The following LRRC49 variants were observed in gnomAD, a reference collection of about 807,000 sequenced individuals.
The protein encoded by LRRC49 is leucine rich repeat containing 49.
LRRC49 carries 50 observed loss-of-function variants against 83.3 expected under a neutral mutation model. The ratio of observed to expected loss-of-function variants is 0.60; its 90% CI spans 0.48 to 0.76. The LOEUF is 0.76. LRRC49 is among the 30% of genes least tolerant of loss of function. The pLI is 0.00. For missense variants in LRRC49, 704 were observed against 809.1 expected (o/e 0.87, Z 1.58); for synonymous variants, 286 against 283.3 (o/e 1.01, Z -0.10).
At chr15:70,936,511 G>A (rs2035602333) in intron 7 of LRRC49, 3 of 376,070 alleles carry the variant, frequency 8.0e-6, no homozygotes, top group East Asian at 7.7e-5. Flanking sequence ...AGAGGCTAGC[G>A]GCAGCGTCTC....
chr15:70,886,182 G>C (rs2033403136), intron 2 of LRRC49, among the ~76,000 whole-genome samples: 1 of 152,130 alleles, frequency 6.6e-6, no homozygotes, highest in African/African-American at 2.4e-5. Context: ...GCCATGTTAG[G>C]TGGGGACTTA....
At chr15:70,872,851 CT>C (rs2033078610) in intron 1 of LRRC49, 1 of 212,208 alleles carries the variant, frequency 4.7e-6, no homozygotes, top group South Asian at 8.0e-5. Context: ...AGAAATGGCT[CT>C]GGCTCAAAAT....
intron 9 of LRRC49, among the ~76,000 whole-genome samples, chr15:70,968,267 C>T (rs767059467): frequency 4.6e-5 from 7 of 151,978 alleles, no homozygotes; most frequent in African/African-American, 1.4e-4. Flanking sequence ...ATAGTTTGCT[C>T]AGAATGATGG....
chr15:71,036,052 G>A (rs931767031), intron 14 of LRRC49, among the ~76,000 whole-genome samples: 1 of 152,124 alleles, frequency 6.6e-6, no homozygotes, highest in Non-Finnish European at 1.5e-5. Flanking sequence ...GTGTGAGATG[G>A]TATCTCATTG....
At chr15:70,861,698 C>T (rs571907571) in intron 1 of LRRC49, among the ~76,000 whole-genome samples, 7 of 152,310 alleles carry the variant, frequency 4.6e-5, no homozygotes, top group African/African-American at 1.7e-4. Context: ...TCAAGCTTTA[C>T]CTGCCATTTA....
intron 11 of LRRC49, among the ~76,000 whole-genome samples, chr15:71,007,682 C>T (rs552348751): frequency 2.1e-5 from 3 of 142,310 alleles, no homozygotes; most frequent in East Asian, 2.0e-4. Context: ...ATAATAATTA[C>T]CAAATTCAGT....
rs764309897 is a variant in LRRC49, at chr15:71,012,862, C to T, written c.1652C>T (p.Ala551Val). 6.2e-7 allele frequency: 1 copy of T among 1,613,274 alleles called. No individual in the cohort carries two copies. The highest frequency in any genetic ancestry group is 1.7e-5 in the Admixed American group (1 of 59,976). The change falls in exon 14 of 16, where the codon GCA becomes GTA. Residue 551 changes from alanine (A) to valine (V), a missense_variant. Around this residue, in one of 3 missense-constraint regions of LRRC49, gnomAD observed 275 missense variants for 338.0 expected, o/e 0.81. Transcript: ENST00000260382. ...ERLFGILAHV[A>V]SSELPQYRLI... is the part of the protein sequence containing the mutation. The stretch of plus-strand genomic sequence containing the variant: ...CTCTTTGGAATCCTAGCACATGTAG[C>T]ATCTTCTGAGTTACCCCAGTATCGT...
At chr15:70,936,674 ATTATATATT>A (rs933297860) in intron 7 of LRRC49, 78 bp from the exon 8 acceptor site, 73 of 801,548 alleles carry the variant, frequency 9.1e-5, no homozygotes, top group Non-Finnish European at 1.5e-4. Flanking sequence ...AATAGAAATG[ATTATATATT>A]TCAATAGCTT....
intron 14 of LRRC49, among the ~76,000 whole-genome samples, chr15:71,035,216 C>T (rs1328485208): frequency 6.6e-6 from 1 of 151,756 alleles, no homozygotes; most frequent in Non-Finnish European, 1.5e-5. Context: ...ACAGAAAATA[C>T]TTATATAGCA....
intron 1 of LRRC49, among the ~76,000 whole-genome samples, chr15:70,872,352 C>G (rs889735228): frequency 6.6e-5 from 10 of 151,450 alleles, no homozygotes; most frequent in African/African-American, 2.2e-4. Flanking sequence ...GCAGCACAGT[C>G]TAGCCTCGGC....
chr15:70,860,845 C>A (rs1448170405), intron 1 of LRRC49, among the ~76,000 whole-genome samples: 1 of 152,166 alleles, frequency 6.6e-6, no homozygotes. Flanking sequence ...ATTACATTTC[C>A]CAGCCTGCCT....
In LRRC49 at chr15:70,919,200, A is replaced by G; in HGVS notation, c.711+7A>G. On this transcript the variant is annotated splice_region_variant and intron_variant, in intron 7 of 15. Coordinates refer to ENST00000260382, the MANE Select transcript of LRRC49 (RefSeq NM_017691.5). ...CAATCAAATCACTTTCGTGGTGAGT[A>G]TTAAAATGGAGTTGATATGTACTTT... is the stretch of plus-strand genomic sequence containing the variant. The G allele has an allele frequency of 6.2e-7, 1 of 1,605,854 alleles. No homozygotes were observed. Among genetic ancestry groups the G allele is most frequent in the Non-Finnish European group, 8.5e-7 (1 of 1,176,706 alleles).
At position 70,980,132 on chromosome 15, in the gene LRRC49, C is replaced by T. The variant is rs1348469725; in HGVS notation, c.953C>T (p.Ala318Val). Residue 318 changes from alanine to valine, a missense_variant, in exon 10 of 16, where the codon GCC (alanine) becomes GTC (valine). Physicochemically the swap from Ala to Val is moderately conservative, Grantham distance 64 (BLOSUM62 0). Transcript: ENST00000260382. ...EEERRMASVL[A>V]KKEEEKKRES... Reference sequence around the variant, plus strand: ...GAAAGGCGTATGGCATCTGTTTTAGCCAAAAAAGAGGAAGAGAAGAAGCGG... The same window carrying T: ...GAAAGGCGTATGGCATCTGTTTTAGTCAAAAAAGAGGAAGAGAAGAAGCGG... The T allele has an allele frequency of 3.1e-6, 5 of 1,611,254 alleles. No homozygotes were observed. The highest frequency in any genetic ancestry group is 4.2e-6 in the Non-Finnish European group (5 of 1,178,824).
At chr15:70,949,496 C>T (rs1452030172) in intron 8 of LRRC49, among the ~76,000 whole-genome samples, 2 of 152,126 alleles carry the variant, frequency 1.3e-5, no homozygotes, top group African/African-American at 4.8e-5. Context: ...ATAAGTGACC[C>T]TGTTTTTGGT....
intron 11 of LRRC49, among the ~76,000 whole-genome samples, chr15:70,988,947 G>A (rs1046373013): frequency 6.6e-6 from 1 of 152,136 alleles, no homozygotes; most frequent in Non-Finnish European, 1.5e-5. Context: ...TTTTCTTTAA[G>A]AATGTTGAAT....
chr15:70,857,812 T>C (rs370143659), intron 1 of LRRC49, among the ~76,000 whole-genome samples: 1 of 152,342 alleles, frequency 6.6e-6, no homozygotes, highest in Non-Finnish European at 1.5e-5. Flanking sequence ...CAGGGTATAA[T>C]GGAAACACGC....
chr15:70,913,008 A>G (rs1180276003), intron 6 of LRRC49, among the ~76,000 whole-genome samples: 3 of 151,978 alleles, frequency 2.0e-5, no homozygotes, highest in Non-Finnish European at 2.9e-5. Flanking sequence ...CCCTCTCTTT[A>G]TTCTTCTCTG....
chr15:70,896,570 A>G (rs2033849741), intron 3 of LRRC49, among the ~76,000 whole-genome samples: 2 of 152,130 alleles, frequency 1.3e-5, no homozygotes, highest in Admixed American at 1.3e-4. Context: ...ATATTTCTGA[A>G]ATATATTTTT....
chr15:70,927,863 G>A (rs1258415751), intron 7 of LRRC49, among the ~76,000 whole-genome samples: 1 of 152,006 alleles, frequency 6.6e-6, no homozygotes, highest in African/African-American at 2.4e-5. Flanking sequence ...GCCTAGGCTG[G>A]TCTCAAACAC....
Sources: allele counts gnomAD v4.1 joint callset (sites outside exome capture counted in the v4.1 genomes callset), GRCh38; gene constraint gnomAD v4.1.1; regional missense constraint gnomAD v4.1.1; transcripts MANE v1.5; gene names NCBI Gene and HGNC (gene_info 2026-07-23, HGNC 2026-07-21).